The following EBLN1 variants were observed in gnomAD, a reference collection of about 807,000 sequenced individuals.
EBLN1 encodes endogenous Bornavirus-like nucleoprotein 1.
Under a neutral mutation model 0.8 loss-of-function variants are expected in EBLN1, and 1 was observed. That is an observed-to-expected ratio of 1.32 (90% CI 0.47 to 6.26). EBLN1 has a LOEUF of 6.26. Ranked by LOEUF, EBLN1 falls within the 30% of genes most tolerant of loss-of-function variation. EBLN1 has a pLI of 0.15. For missense variants in EBLN1, 396 were observed against 447.9 expected, an observed-to-expected ratio of 0.88 and a Z score of 1.05; for synonymous variants, 158 against 158.5, an observed-to-expected ratio of 1.00 and a Z score of 0.02.
intron 2 of EBLN1, among the ~76,000 whole-genome samples, chr10:22,211,759 G>A (rs1253836410): frequency 2.6e-5 from 4 of 151,916 alleles, no homozygotes; most frequent in Non-Finnish European, 4.4e-5. Flanking sequence ...GCTACCCCAC[G>A]CTACCCCACC....
At chr10:22,214,138 C>T (rs1451105731) in intron 1 of EBLN1, among the ~76,000 whole-genome samples, 1 of 151,906 alleles carries the variant, frequency 6.6e-6, no homozygotes, top group African/African-American at 2.4e-5. Context: ...AAGTAAAAAT[C>T]CATTTTGCTG....
rs114100696 is a variant in EBLN1, at chr10:22,217,068, A to C, written c.-169+848T>G. ...ATTACAATAACAATTCTGTTGCTTG[A>C]TTTTTAAAGCAATAAATACATACTC... On this transcript the variant is annotated intron_variant, in intron 1 of 2. Transcript: ENST00000422359. Among the ~76,000 whole-genome samples, 1,450 of 152,276 alleles carry C rather than the reference A, an allele frequency of 9.5e-3. 14 individuals carry two copies. Among genetic ancestry groups the C allele is most frequent in the African/African-American group, 0.033 (1,371 of 41,542 alleles).
intron 1 of EBLN1, among the ~76,000 whole-genome samples, 133 bp from the exon 2 acceptor site, chr10:22,213,098 G>T (rs756889841): frequency 1.3e-5 from 2 of 152,080 alleles, no homozygotes; most frequent in Non-Finnish European, 2.9e-5. Context: ...AGCATGAAAC[G>T]GTGAGTAGCA....
At chr10:22,214,104 T>C (rs114990471) in intron 1 of EBLN1, among the ~76,000 whole-genome samples, 2,090 of 152,160 alleles carry the variant, frequency 0.014, 45 homozygotes, top group African/African-American at 0.046. Context: ...AAAATGGTAA[T>C]GGTACAACTG....
Position 22,209,150 on chromosome 10 carries a change from G to C in EBLN1, c.834C>G (p.Phe278Leu). Residue 278 changes from phenylalanine (F) to leucine (L), a missense_variant, in exon 3 of 3, where the codon TTC (phenylalanine) becomes TTG (leucine). Coordinates refer to ENST00000422359, the MANE Select transcript of EBLN1 (RefSeq NM_001394757.1). The part of the protein sequence containing the change: ...KPLAKKVLGD[F>L]FEFGGVLRHP... ...GGCGAAGTACACCCCCAAATTCAAA[G>C]AAATCTCCAAGTACCTTTTTAGCCA... 6.5e-7 allele frequency: 1 copy of C among 1,535,852 alleles called. No individual in the cohort carries two copies. The highest frequency in any genetic ancestry group is 8.7e-7 in the Non-Finnish European group (1 of 1,146,906).
At chr10:22,212,129 T>C (rs1261402485) in intron 2 of EBLN1, among the ~76,000 whole-genome samples, 1 of 152,216 alleles carries the variant, frequency 6.6e-6, no homozygotes, top group African/African-American at 2.4e-5. Context: ...TAAACCACAA[T>C]GTACTGCATA....
In EBLN1 at chr10:22,210,024, T is replaced by C; in HGVS notation, c.-41A>G. 7.5e-7 allele frequency: 1 copy of C among 1,334,136 alleles called. No homozygotes were observed. Among genetic ancestry groups the C allele is most frequent in the Non-Finnish European group, 9.6e-7 (1 of 1,045,842 alleles). The allele number at this position is 1,334,136 out of a possible 1,614,324, so 82.6% of individuals were successfully genotyped here. On this transcript the variant is annotated 5_prime_UTR_variant, in exon 3 of 3. Transcript: ENST00000422359. The stretch of plus-strand genomic sequence containing the variant: ...CTGTGATTTTCACACAATTTTGTAC[T>C]GTACTAAAAAAATATAGAGAATGGC...
chr10:22,215,168 A>G (rs1001870101), intron 1 of EBLN1, among the ~76,000 whole-genome samples: 1 of 152,174 alleles, frequency 6.6e-6, no homozygotes, highest in African/African-American at 2.4e-5. Context: ...GTGACTGATA[A>G]TAGGTACATG....
chr10:22,208,910 G>T lies in EBLN1; in HGVS notation c.1074C>A (p.Arg358=). 2.0e-6 allele frequency: 3 copies of T among 1,531,416 alleles called. No homozygotes were observed. Among genetic ancestry groups the T allele is most frequent in the South Asian group, 1.2e-5 (1 of 83,648 alleles). The allele number at this position is 1,531,416 out of a possible 1,614,324, so 94.9% of individuals were successfully genotyped here. A position where few individuals can be genotyped will look rare whatever the true frequency, so the allele number is the denominator to read the frequency against. The change falls in exon 3 of 3, where the codon CGC becomes CGA. Residue 358 remains arginine (R), a synonymous_variant. Transcript: ENST00000422359. ...DMDPYTLNIL[R]GYGISGFE ...ATTCAAATCCCGAAATCCCATAACC[G>T]CGAAGGATGTTAAGTGTATATGGAT...
At chr10:22,212,351 A>G (rs1213997772) in intron 2 of EBLN1, among the ~76,000 whole-genome samples, 3 of 152,238 alleles carry the variant, frequency 2.0e-5, no homozygotes, top group South Asian at 2.1e-4. Context: ...TAAAATATGC[A>G]ATTTTCAAAT....
At chr10:22,215,512 T>C (rs1814561438) in intron 1 of EBLN1, among the ~76,000 whole-genome samples, 1 of 152,146 alleles carries the variant, frequency 6.6e-6, no homozygotes, top group Non-Finnish European at 1.5e-5. Flanking sequence ...GTATTAATAT[T>C]TTTCTCAAAA....
intron 1 of EBLN1, among the ~76,000 whole-genome samples, chr10:22,216,719 A>G (rs1354069297): frequency 6.6e-6 from 1 of 152,236 alleles, no homozygotes; most frequent in East Asian, 1.9e-4. Flanking sequence ...GATTTTAGTG[A>G]AAAGTTGCAA....
chr10:22,216,973 T>A (rs961387170), intron 1 of EBLN1, among the ~76,000 whole-genome samples: 13 of 152,202 alleles, frequency 8.5e-5, no homozygotes, highest in Admixed American at 7.9e-4. Context: ...ACAAAACTTG[T>A]GCGCTGCATC....
chr10:22,210,824 T>C (rs1017956526), intron 2 of EBLN1, among the ~76,000 whole-genome samples: 2 of 152,148 alleles, frequency 1.3e-5, no homozygotes, highest in African/African-American at 2.4e-5. Context: ...GCCAAGTGGG[T>C]GCTGCCCAGA....
Position 22,209,854 on chromosome 10 carries a change from A to C in EBLN1, c.130T>G (p.Leu44Val). ...GKSRQYPADA[L>V]EPQPGIGDVK... ...TCTCCAATACCAGGTTGGGGCTCCA[A>C]TGCATCTGCTGGATACTGTCTGCTC... The change falls in exon 3 of 3, where the codon TTG (leucine) becomes GTG (valine). Residue 44 changes from leucine (L) to valine (V), a missense_variant. Transcript: ENST00000422359. 1 of 1,527,812 alleles carries C rather than the reference A, an allele frequency of 6.5e-7. No homozygotes were observed. The highest frequency in any genetic ancestry group is 8.7e-7 in the Non-Finnish European group (1 of 1,143,206). The allele number at this position is 1,527,812 out of a possible 1,614,324, so 94.6% of individuals were successfully genotyped here.
At position 22,212,048 on chromosome 10, in the gene EBLN1, T is replaced by C. The variant is rs191021434; in HGVS notation, c.-45+794A>G. Among the ~76,000 whole-genome samples, 717 of 152,342 alleles carry C rather than the reference T, an allele frequency of 4.7e-3. 8 individuals carry two copies. Among genetic ancestry groups the C allele is most frequent in the African/African-American group, 0.017 (687 of 41,582 alleles). On this transcript the variant is annotated intron_variant, in intron 2 of 2. Coordinates refer to ENST00000422359, the MANE Select transcript of EBLN1 (RefSeq NM_001394757.1). ...TCTTCGGTTACTAAAACCAAAGGTC[T>C]TAACTAAAAACTTCCCCGTATTCTT...
intron 2 of EBLN1, among the ~76,000 whole-genome samples, chr10:22,211,768 C>A (rs919158017): frequency 6.6e-6 from 1 of 152,032 alleles, no homozygotes; most frequent in African/African-American, 2.4e-5. Flanking sequence ...CGCTACCCCA[C>A]CCCTCCGCCA....
At chr10:22,215,375 C>T (rs1588586075) in intron 1 of EBLN1, among the ~76,000 whole-genome samples, 1 of 152,118 alleles carries the variant, frequency 6.6e-6, no homozygotes, top group Admixed American at 6.5e-5. Context: ...TTATAAATAG[C>T]TTTATTATAA....
At chr10:22,213,808 A>T (rs1165555970) in intron 1 of EBLN1, among the ~76,000 whole-genome samples, 1 of 152,238 alleles carries the variant, frequency 6.6e-6, no homozygotes, top group African/African-American at 2.4e-5. Flanking sequence ...AAAACATAAC[A>T]AAACTTTGGA....
Sources: gnomAD v4.1 joint callset for allele counts (sites outside exome capture counted in the v4.1 genomes callset) on GRCh38, gnomAD v4.1.1 for gene constraint, MANE v1.5 for transcripts, NCBI Gene and HGNC (gene_info 2026-07-23, HGNC 2026-07-21) for gene names.